The following ST8SIA6 variants were observed in gnomAD, a reference collection of about 807,000 sequenced individuals.
ST8SIA6 encodes the protein ST8 alpha-N-acetyl-neuraminide alpha-2,8-sialyltransferase 6.
A neutral mutation model predicts 33.6 loss-of-function variants in ST8SIA6; 39 were observed. That is an observed-to-expected ratio of 1.16 (90% confidence interval 0.90 to 1.52). The LOEUF (loss-of-function observed/expected upper bound fraction) is 1.52, where lower values mean the gene tolerates loss of function less well. Ranked by LOEUF, ST8SIA6 falls within the 40% of genes most tolerant of loss-of-function variation. The pLI is 0.00. For synonymous variants in ST8SIA6, 172 were observed against 167.2 expected (o/e 1.03, Z -0.22); for missense variants, 441 against 443.8 (o/e 0.99, Z 0.06).
chr10:17,400,730 C>A (rs1211079100), intron 2 of ST8SIA6, among the ~76,000 whole-genome samples: 1 of 152,240 alleles, frequency 6.6e-6, no homozygotes, highest in South Asian at 2.1e-4. Flanking sequence ...AATTCAACAG[C>A]CCTTCATGCT....
chr10:17,365,016 C>T (rs1023486306), intron 3 of ST8SIA6, among the ~76,000 whole-genome samples: 1 of 152,136 alleles, frequency 6.6e-6, no homozygotes, highest in Non-Finnish European at 1.5e-5. Context: ...CACATTCTGG[C>T]TCTTACCAAT....
chr10:17,452,932 T>C (rs3930810), intron 2 of ST8SIA6, among the ~76,000 whole-genome samples: 151,095 of 152,236 alleles, frequency 0.99, 74,985 homozygotes, highest in Middle Eastern at 1. Flanking sequence ...CAAAACCACC[T>C]TGAATATGGT....
intron 4 of ST8SIA6, among the ~76,000 whole-genome samples, chr10:17,351,266 T>C (rs1245790088): frequency 6.6e-6 from 1 of 151,826 alleles, no homozygotes; most frequent in Non-Finnish European, 1.5e-5. Context: ...GCAATGGATA[T>C]TGAGAATTCC....
intron 2 of ST8SIA6, among the ~76,000 whole-genome samples, chr10:17,395,437 G>A (rs1457410240): frequency 6.6e-6 from 1 of 152,138 alleles, no homozygotes; most frequent in Non-Finnish European, 1.5e-5. Context: ...GACAGAAAAA[G>A]AAGAGGACTC....
At chr10:17,447,814 T>A (rs1852774500) in intron 2 of ST8SIA6, among the ~76,000 whole-genome samples, 1 of 151,892 alleles carries the variant, frequency 6.6e-6, no homozygotes, top group South Asian at 2.1e-4. Flanking sequence ...ATATTAAAAT[T>A]TAAAAAAAAT....
At chr10:17,377,543 G>A (rs746244524) in intron 3 of ST8SIA6, among the ~76,000 whole-genome samples, 3 of 152,200 alleles carry the variant, frequency 2.0e-5, no homozygotes, top group Admixed American at 6.5e-5. Context: ...ACAAGACATT[G>A]TCCCATTCAT....
intron 2 of ST8SIA6, among the ~76,000 whole-genome samples, chr10:17,437,940 A>G (rs138246881): frequency 0.024 from 3,688 of 151,912 alleles, 71 homozygotes; most frequent in South Asian, 0.053. Context: ...CATATTGGCC[A>G]GGCCGATCTC....
chr10:17,324,708 TACACACACACAC>T (rs6143806), intron 6 of ST8SIA6, among the ~76,000 whole-genome samples: 2 of 140,024 alleles, frequency 1.4e-5, no homozygotes, highest in East Asian at 2.1e-4. Context: ...ATATAGAGTA[TACACACACACAC>T]ACACACACAC....
intron 2 of ST8SIA6, among the ~76,000 whole-genome samples, chr10:17,428,284 C>T (rs1333017242): frequency 1.3e-5 from 2 of 152,194 alleles, no homozygotes; most frequent in Non-Finnish European, 2.9e-5. Flanking sequence ...CCCCTCCCCA[C>T]ACTCTGGCCC....
chr10:17,428,591 C>T (rs956398750), intron 2 of ST8SIA6, among the ~76,000 whole-genome samples: 3 of 151,888 alleles, frequency 2.0e-5, no homozygotes, highest in Admixed American at 2.0e-4. Context: ...GGAAAGCAGC[C>T]GCTGAGCTGT....
chr10:17,415,669 G>T (rs977707364), intron 2 of ST8SIA6, among the ~76,000 whole-genome samples: 10 of 152,054 alleles, frequency 6.6e-5, no homozygotes, highest in Non-Finnish European at 1.3e-4. Context: ...CTCGTTAAGT[G>T]ATCTGTTAGT....
chr10:17,372,465 T>C (rs968999279), intron 3 of ST8SIA6, among the ~76,000 whole-genome samples: 1 of 152,252 alleles, frequency 6.6e-6, no homozygotes, highest in East Asian at 1.9e-4. Flanking sequence ...AGCTCTGCTA[T>C]TTGTAACTGG....
Position 17,322,684 on chromosome 10 carries a change from T to G in ST8SIA6, c.728+381A>C, listed in dbSNP as rs567731933. Among the ~76,000 whole-genome samples the G allele has an allele frequency of 5.3e-5, 8 of 152,336 alleles. No homozygotes were observed. In the South Asian group the frequency reaches 1.2e-3, roughly 24 times the overall value. ...AACTTGATAACTGTATTTTGCCAGG[T>G]TGTCTTAGCCCTTACTCTCTGAAGT... is the stretch of plus-strand genomic sequence containing the variant. On this transcript the variant is annotated intron_variant, in intron 7 of 7. Transcript: ENST00000377602.
chr10:17,414,787 C>T (rs1356838478), intron 2 of ST8SIA6, among the ~76,000 whole-genome samples: 1 of 152,122 alleles, frequency 6.6e-6, no homozygotes, highest in African/African-American at 2.4e-5. Flanking sequence ...AATTATCTCC[C>T]TAAAGACCTT....
chr10:17,335,583 C>T (rs1359439672), intron 4 of ST8SIA6, among the ~76,000 whole-genome samples: 2 of 152,120 alleles, frequency 1.3e-5, no homozygotes, highest in African/African-American at 2.4e-5. Flanking sequence ...TGGATTCTGT[C>T]ACCCACTTAT....
At chr10:17,397,254 A>G (rs1215945958) in intron 2 of ST8SIA6, among the ~76,000 whole-genome samples, 2 of 90,378 alleles carry the variant, frequency 2.2e-5, no homozygotes, top group South Asian at 8.0e-4. Flanking sequence ...TTTTTTTGAG[A>G]CGAAGTCTCA....
intron 3 of ST8SIA6, among the ~76,000 whole-genome samples, chr10:17,389,186 A>G (rs146369031): frequency 6.6e-6 from 1 of 152,254 alleles, no homozygotes; most frequent in African/African-American, 2.4e-5. Context: ...AATTATCTCT[A>G]AAAACTCTGA....
intron 4 of ST8SIA6, among the ~76,000 whole-genome samples, chr10:17,342,283 C>A (rs966199735): frequency 6.6e-6 from 1 of 152,164 alleles, no homozygotes; most frequent in African/African-American, 2.4e-5. Context: ...GAGAGACAGA[C>A]ACAAAGCATC....
At chr10:17,423,465 T>C (rs555843118) in intron 2 of ST8SIA6, among the ~76,000 whole-genome samples, 1 of 152,340 alleles carries the variant, frequency 6.6e-6, no homozygotes, top group Non-Finnish European at 1.5e-5. Context: ...GTTTGGTTCT[T>C]TGCATGCCTA....
Sources: gnomAD v4.1 joint callset for allele counts (sites outside exome capture counted in the v4.1 genomes callset) on GRCh38, gnomAD v4.1.1 for gene constraint, MANE v1.5 for transcripts, NCBI Gene and HGNC (gene_info 2026-07-23, HGNC 2026-07-21) for gene names.